The following CNTN5 variants were observed in gnomAD, a reference collection of about 807,000 sequenced individuals.
The protein encoded by CNTN5 is contactin-5.
In CNTN5, 77 loss-of-function variants were observed where a neutral mutation model predicts 129.1. That is an observed-to-expected ratio of 0.60 (90% CI 0.50 to 0.72). CNTN5 has a LOEUF of 0.72. Among genes scored for constraint, CNTN5 ranks in the 30% least tolerant of loss-of-function variants. The pLI is 0.00. For missense variants in CNTN5, 1,478 were observed against 1,328.8 expected, an observed-to-expected ratio of 1.11 and a Z score of -1.75; for synonymous variants, 509 against 465.6, an observed-to-expected ratio of 1.09 and a Z score of -1.20.
At chr11:99,692,391 G>A (rs529315547) in intron 3 of CNTN5, among the ~76,000 whole-genome samples, 77 of 152,062 alleles carry the variant, frequency 5.1e-4, no homozygotes, top group African/African-American at 6.7e-4. Context: ...TTTCTTTTCC[G>A]TGTTTAGTGC....
At chr11:99,918,511 C>T (rs1949852070) in intron 7 of CNTN5, among the ~76,000 whole-genome samples, 1 of 152,152 alleles carries the variant, frequency 6.6e-6, no homozygotes, top group South Asian at 2.1e-4. Flanking sequence ...GTCTCACTCT[C>T]AGGTGATAAA....
chr11:99,136,613 A>G (rs1306855055), intron 1 of CNTN5, among the ~76,000 whole-genome samples: 4 of 152,088 alleles, frequency 2.6e-5, no homozygotes, highest in African/African-American at 9.7e-5. Context: ...CCAATCAAAC[A>G]TATTTTCATG....
intron 1 of CNTN5, among the ~76,000 whole-genome samples, chr11:99,139,940 C>A (rs527397094): frequency 6.6e-6 from 1 of 151,988 alleles, no homozygotes; most frequent in Admixed American, 6.6e-5. Context: ...AACCTCAGAT[C>A]GATATTAAGT....
rs191867916 is a variant in CNTN5, at chr11:99,547,222, C to T, written c.-70-8923C>T. 8.6e-4 allele frequency among the ~76,000 whole-genome samples: 131 copies of T among 152,130 alleles called. 2 individuals carry two copies. The East Asian group carries it at 0.016, about 18-fold the overall frequency. Reference sequence around the variant, plus strand: ...GTTTCTCCATGTCGGTCAGGCTAGTCCCGAACTCCTGACCTCAGGTGATCC... The same window carrying T: ...GTTTCTCCATGTCGGTCAGGCTAGTTCCGAACTCCTGACCTCAGGTGATCC... On this transcript the variant is annotated intron_variant, in intron 2 of 24. Coordinates refer to ENST00000524871, the MANE Select transcript of CNTN5 (RefSeq NM_014361.4).
chr11:99,917,389 A>T (rs1196601823), intron 7 of CNTN5, among the ~76,000 whole-genome samples: 1 of 152,118 alleles, frequency 6.6e-6, no homozygotes, highest in Non-Finnish European at 1.5e-5. Flanking sequence ...TAATTTTTTT[A>T]ATGGATAAGA....
At chr11:100,309,526 A>G in intron 21 of CNTN5, 1 of 975,208 alleles carries the variant, frequency 1.0e-6, no homozygotes, top group Non-Finnish European at 1.2e-6. Flanking sequence ...GCTTCAATTA[A>G]TTATTTGGAA....
intron 6 of CNTN5, among the ~76,000 whole-genome samples, chr11:99,855,334 A>G (rs575690213): frequency 1.2e-4 from 18 of 152,098 alleles, no homozygotes; most frequent in Non-Finnish European, 2.2e-4. Flanking sequence ...AACAACAACA[A>G]CAAAACTTTG....
intron 2 of CNTN5, among the ~76,000 whole-genome samples, chr11:99,346,187 T>C (rs1406187927): frequency 6.6e-6 from 1 of 152,164 alleles, no homozygotes; most frequent in Non-Finnish European, 1.5e-5. Context: ...TGACTTCCAA[T>C]ATAAAGTATA....
chr11:99,065,235 T>G (rs1209269354), intron 1 of CNTN5, among the ~76,000 whole-genome samples: 2 of 152,088 alleles, frequency 1.3e-5, no homozygotes, highest in Non-Finnish European at 2.9e-5. Context: ...ACACACAAGT[T>G]AATGGGAAAT....
intron 13 of CNTN5, among the ~76,000 whole-genome samples, chr11:100,129,894 A>T (rs1429344340): frequency 6.6e-6 from 1 of 152,070 alleles, no homozygotes; most frequent in Non-Finnish European, 1.5e-5. Flanking sequence ...GACTGGTACA[A>T]CTAATGGTTG....
At chr11:100,165,448 G>A (rs1024245364) in intron 13 of CNTN5, among the ~76,000 whole-genome samples, 6 of 74,918 alleles carry the variant, frequency 8.0e-5, no homozygotes, top group Admixed American at 4.7e-4. Context: ...ATAATGTATT[G>A]AAAAGTGACT....
intron 3 of CNTN5, among the ~76,000 whole-genome samples, chr11:99,682,807 A>G (rs1446146306): frequency 6.6e-6 from 1 of 151,986 alleles, no homozygotes. Context: ...GAGAGGAAGT[A>G]GAATTTAGGC....
At chr11:99,127,756 C>T (rs1858716752) in intron 1 of CNTN5, among the ~76,000 whole-genome samples, 1 of 152,146 alleles carries the variant, frequency 6.6e-6, no homozygotes, top group Non-Finnish European at 1.5e-5. Flanking sequence ...CATTATATGC[C>T]ATTCCCCTTA....
At chr11:100,314,368 A>C (rs1047920442) in intron 21 of CNTN5, among the ~76,000 whole-genome samples, 1 of 152,166 alleles carries the variant, frequency 6.6e-6, no homozygotes, top group Non-Finnish European at 1.5e-5. Context: ...TTGAGACTTT[A>C]ACATGGTGTT....
chr11:99,763,929 G>C (rs899870297), intron 3 of CNTN5, among the ~76,000 whole-genome samples: 1 of 151,954 alleles, frequency 6.6e-6, no homozygotes, highest in African/African-American at 2.4e-5. Flanking sequence ...TGAAATTTCT[G>C]ACTCCTAAAA....
chr11:99,462,188 C>A lies in CNTN5; in HGVS notation c.-70-93957C>A, dbSNP rs117850886. Among the ~76,000 whole-genome samples, 19 of 152,116 alleles carry A rather than the reference C, an allele frequency of 1.2e-4. 1 individual carries two copies. The East Asian group carries it at 3.7e-3, about 29-fold the overall frequency. On this transcript the variant is annotated intron_variant, in intron 2 of 24. Coordinates refer to ENST00000524871, the MANE Select transcript of CNTN5 (RefSeq NM_014361.4). The stretch of plus-strand genomic sequence containing the variant: ...CACTCTCTGTATTAATTCTACTAAA[C>A]CACTGACTCTATTTTTAAAATACCC...
chr11:99,408,448 G>GAAAGAAAGAGAAGAAAGAAAGAA (rs71305322), intron 2 of CNTN5, among the ~76,000 whole-genome samples: 3 of 78,088 alleles, frequency 3.8e-5, no homozygotes, highest in Non-Finnish European at 7.4e-5. Flanking sequence ...AAGAAAGAAA[G>GAAAGAAAGAGAAGAAAGAAAGAA]AGAAAGAAAG....
At chr11:99,901,764 TAAAAA>T (rs1464286372) in intron 6 of CNTN5, among the ~76,000 whole-genome samples, 3 of 152,186 alleles carry the variant, frequency 2.0e-5, no homozygotes, top group African/African-American at 7.2e-5. Context: ...AGCTGTGAAT[TAAAAA>T]AGAAAACTGA....
chr11:99,821,560 A>G (rs1946802718), intron 4 of CNTN5, among the ~76,000 whole-genome samples: 3 of 152,078 alleles, frequency 2.0e-5, no homozygotes, highest in Non-Finnish European at 4.4e-5. Flanking sequence ...GGAGTTTATT[A>G]TTCGATATAA....
Sources: gnomAD v4.1 joint callset for allele counts (sites outside exome capture counted in the v4.1 genomes callset) on GRCh38, gnomAD v4.1.1 for gene constraint, MANE v1.5 for transcripts, NCBI Gene and HGNC (gene_info 2026-07-23, HGNC 2026-07-21) for gene names.